Variants in GATB observed in about 807,000 individuals in gnomAD.
GATB encodes glutamyl-tRNA amidotransferase subunit B, also known as glutamyl-tRNA(Gln) amidotransferase subunit B, mitochondrial.
GATB carries 39 observed loss-of-function variants against 62.3 expected under a neutral mutation model. The observed-to-expected ratio is 0.63, with a 90% CI of 0.48 to 0.82. The LOEUF (loss-of-function observed/expected upper bound fraction) is 0.82, where lower values mean the gene tolerates loss of function less well. Among genes scored for constraint, GATB ranks in the 40% least tolerant of loss-of-function variants. The probability of loss-of-function intolerance (pLI) is 0.00; values close to 1 mark genes in which losing one functional copy is unlikely to be tolerated. For missense variants in GATB, 670 were observed against 684.0 expected (o/e 0.98, Z 0.23); for synonymous variants, 276 against 258.9 (o/e 1.07, Z -0.63).
chr4:151,750,969 C>A (rs10049728), intron 2 of GATB, among the ~76,000 whole-genome samples: 5 of 151,690 alleles, frequency 3.3e-5, no homozygotes, highest in Non-Finnish European at 5.9e-5. Context: ...TAAAATATAC[C>A]CACTCCCTAA....
chr4:151,704,304 T>C (rs1283351027), intron 7 of GATB, among the ~76,000 whole-genome samples: 1 of 152,132 alleles, frequency 6.6e-6, no homozygotes, highest in Non-Finnish European at 1.5e-5. Context: ...ATCTGATAGA[T>C]TAAGGAAGTA....
At chr4:151,714,036 G>A (rs1396407198) in intron 5 of GATB, among the ~76,000 whole-genome samples, 1 of 152,150 alleles carries the variant, frequency 6.6e-6, no homozygotes, top group African/African-American at 2.4e-5. Context: ...CCAACTGATA[G>A]ATATTATTAT....
At chr4:151,749,022 A>G (rs1276066204) in intron 2 of GATB, among the ~76,000 whole-genome samples, 3 of 152,346 alleles carry the variant, frequency 2.0e-5, no homozygotes, top group Admixed American at 6.5e-5. Context: ...GGTGCTGGAG[A>G]GGATGTGGAG....
At chr4:151,717,197 A>C in intron 3 of GATB, 123 bp from the exon 4 acceptor site, 1 of 895,196 alleles carries the variant, frequency 1.1e-6, no homozygotes, top group Non-Finnish European at 1.7e-6. Context: ...CAACAAGAAA[A>C]AAAGGAAAAG....
chr4:151,686,274 G>C (rs1259819265), intron 10 of GATB, among the ~76,000 whole-genome samples: 2 of 152,086 alleles, frequency 1.3e-5, no homozygotes, highest in East Asian at 1.9e-4. Flanking sequence ...GGGTCAGAGG[G>C]GGAACTCATT....
At chr4:151,752,464 T>G (rs910135729) in intron 2 of GATB, among the ~76,000 whole-genome samples, 19 of 152,314 alleles carry the variant, frequency 1.2e-4, no homozygotes, top group Admixed American at 1.2e-3. Context: ...TTCTCTAATT[T>G]GCTTATTTTT....
At chr4:151,690,459 A>C (rs527760441) in intron 9 of GATB, among the ~76,000 whole-genome samples, 1 of 152,360 alleles carries the variant, frequency 6.6e-6, no homozygotes, top group African/African-American at 2.4e-5. Context: ...AAAGTATTCA[A>C]ACTTCTACAA....
At chr4:151,755,870 T>C (rs1356457905) in intron 2 of GATB, among the ~76,000 whole-genome samples, 2 of 152,230 alleles carry the variant, frequency 1.3e-5, no homozygotes, top group Non-Finnish European at 2.9e-5. Context: ...GGCTTAACAC[T>C]GTAACTGCTG....
intron 9 of GATB, among the ~76,000 whole-genome samples, chr4:151,700,288 A>C (rs928372203): frequency 1.3e-5 from 2 of 152,194 alleles, no homozygotes; most frequent in Non-Finnish European, 2.9e-5. Flanking sequence ...ATACACTAAT[A>C]AGTACTTAAA....
At chr4:151,671,497 T>G (rs1002362528) in intron 12 of GATB, among the ~76,000 whole-genome samples, 195 bp from the exon 13 acceptor site, 2 of 152,170 alleles carry the variant, frequency 1.3e-5, no homozygotes, top group Non-Finnish European at 2.9e-5. Context: ...AAAGGAGATT[T>G]TTGCTACTCT....
intron 2 of GATB, among the ~76,000 whole-genome samples, chr4:151,745,351 G>A (rs887301394): frequency 6.6e-6 from 1 of 152,168 alleles, no homozygotes; most frequent in African/African-American, 2.4e-5. Context: ...AAGCATTTCA[G>A]AAAGCCTGAT....
At chr4:151,742,289 C>T (rs138829639) in intron 2 of GATB, among the ~76,000 whole-genome samples, 2,560 of 152,216 alleles carry the variant, frequency 0.017, 29 homozygotes, top group Non-Finnish European at 0.025. Context: ...GGCATTTCAC[C>T]GTGTTAACCA....
rs377707826 is a variant in GATB, at chr4:151,705,165, G to T, written c.962+20C>A. 1.3e-6 allele frequency: 2 copies of T among 1,576,126 alleles called. No individual in the cohort carries two copies. The highest frequency in any genetic ancestry group is 1.7e-6 in the Non-Finnish European group (2 of 1,145,798). ...CACCACCCCCGGCTGTGGTCAGGAC[G>T]CTCAGCAATGCGAACTCACCCCAGC... On this transcript the variant is annotated intron_variant, in intron 7 of 12. Coordinates refer to ENST00000263985, the MANE Select transcript of GATB (RefSeq NM_004564.3).
chr4:151,671,079 C>G lies in GATB; in HGVS notation c.*95G>C. On this transcript the variant is annotated 3_prime_UTR_variant, in exon 13 of 13. Coordinates refer to ENST00000263985, the MANE Select transcript of GATB (RefSeq NM_004564.3). ...TTGGGACAGGGATTGAGAGGCAGCT[C>G]TCAGGGCACATGGGCATCAGCTTTC... 7.1e-7 allele frequency: 1 copy of G among 1,399,742 alleles called. No homozygotes were observed. The highest frequency in any genetic ancestry group is 2.3e-5 in the East Asian group (1 of 43,784). The allele number at this position is 1,399,742 out of a possible 1,614,324, so 86.7% of individuals were successfully genotyped here. A position where few individuals can be genotyped will look rare whatever the true frequency, so the allele number is the denominator to read the frequency against.
At chr4:151,751,465 C>T (rs1463311452) in intron 2 of GATB, among the ~76,000 whole-genome samples, 4 of 152,158 alleles carry the variant, frequency 2.6e-5, no homozygotes, top group African/African-American at 9.7e-5. Flanking sequence ...CAAAATAAAA[C>T]CCATCTACTG....
intron 5 of GATB, among the ~76,000 whole-genome samples, chr4:151,713,357 C>T (rs549632414): frequency 1.4e-4 from 22 of 152,328 alleles, no homozygotes; most frequent in African/African-American, 3.8e-4. Flanking sequence ...TTGTCTTCCA[C>T]GAAACCGGTC....
chr4:151,703,845 A>G lies in GATB; in HGVS notation c.1007+6T>C. ...ATAGCGGTATTTTGCCATAAGGAGT[A>G]ACCACCTGTAGTCCTGTTTTCCTTC... On this transcript the variant is annotated splice_donor_region_variant and intron_variant, in intron 8 of 12. Coordinates refer to ENST00000263985, the MANE Select transcript of GATB (RefSeq NM_004564.3). 1 of 1,585,810 alleles carries G rather than the reference A, an allele frequency of 6.3e-7. No homozygotes were observed. Among genetic ancestry groups the G allele is most frequent in the Non-Finnish European group, 8.7e-7 (1 of 1,154,150 alleles).
At position 151,671,276 on chromosome 4, in the gene GATB, G is replaced by A. The variant is rs754817169; in HGVS notation, c.1572C>T (p.Pro524=). The A allele has an allele frequency of 3.1e-6, 5 of 1,613,026 alleles. No individual in the cohort carries two copies. The Admixed American group carries it at 8.3e-5, about 27-fold the overall frequency. ...QVVMDVKNRN[P]RAINKLIGLV... ...ACCCAATCAGTTTATTTATAGCTCT[G>A]GGGTTTCTGTTCTTCACATCCATTA... is the stretch of plus-strand genomic sequence containing the variant. The change falls in exon 13 of 13, where the codon CCC becomes CCT. Residue 524 remains proline, a synonymous_variant. Transcript: ENST00000263985.
intron 2 of GATB, among the ~76,000 whole-genome samples, chr4:151,731,942 C>T (rs1468662851): frequency 1.9e-5 from 2 of 104,056 alleles, no homozygotes; most frequent in African/African-American, 8.6e-5. Context: ...GGGCCAGCCG[C>T]CCCGTCCGGG....
Sources: allele counts gnomAD v4.1 joint callset (sites outside exome capture counted in the v4.1 genomes callset), GRCh38; gene constraint gnomAD v4.1.1; transcripts MANE v1.5; gene names NCBI Gene and HGNC (gene_info 2026-07-23, HGNC 2026-07-21).